SHISAL2B: variants seen among roughly 807,000 people sequenced by gnomAD.
The protein encoded by SHISAL2B is protein shisa-like-2B.
Under a neutral mutation model 16.5 loss-of-function variants are expected in SHISAL2B, and 12 were observed. The ratio of observed to expected loss-of-function variants is 0.73; its 90% confidence interval spans 0.47 to 1.18. SHISAL2B has a LOEUF of 1.18. Ranked by LOEUF, SHISAL2B falls within the 50% of genes most tolerant of loss-of-function variation. The probability of loss-of-function intolerance (pLI) is 0.00; values close to 1 mark genes in which losing one functional copy is unlikely to be tolerated. For synonymous variants in SHISAL2B, 72 were observed against 75.0 expected, an observed-to-expected ratio of 0.96 and a Z score of 0.21; for missense variants, 183 against 193.6, an observed-to-expected ratio of 0.95 and a Z score of 0.33.
intron 2 of SHISAL2B, among the ~76,000 whole-genome samples, chr5:64,705,609 T>G (rs568383541): frequency 6.6e-6 from 1 of 152,346 alleles, no homozygotes; most frequent in South Asian, 2.1e-4. Flanking sequence ...TATCTTTACC[T>G]GCTATGATAC....
Position 64,718,138 on chromosome 5 carries a change from C to T in SHISAL2B, c.*116C>T. The T allele has an allele frequency of 1.3e-6, 1 of 787,806 alleles. No individual in the cohort carries two copies. The highest frequency in any genetic ancestry group is 3.2e-5 in the East Asian group (1 of 31,004). 48.8% of individuals were successfully genotyped at this position (787,806 alleles called of 1,614,324 possible). A position where few individuals can be genotyped will look rare whatever the true frequency, so the allele number is the denominator to read the frequency against. ...AAAATTCGTCACTCACAAAGCAAGA[C>T]ACAGCTGCATTTTTGATCATTCAGT... On this transcript the variant is annotated 3_prime_UTR_variant, in exon 3 of 3. Transcript: ENST00000389074.
intron 2 of SHISAL2B, among the ~76,000 whole-genome samples, chr5:64,696,496 T>G (rs574409304): frequency 6.6e-6 from 1 of 152,282 alleles, no homozygotes; most frequent in Admixed American, 6.5e-5. Context: ...AGCCTATAAA[T>G]GGACCTGCAA....
intron 2 of SHISAL2B, among the ~76,000 whole-genome samples, chr5:64,702,042 C>T (rs1018933870): frequency 6.6e-6 from 1 of 151,902 alleles, no homozygotes; most frequent in Non-Finnish European, 1.5e-5. Flanking sequence ...TGTGGTTTCT[C>T]CTTTTGGTTT....
In SHISAL2B at chr5:64,693,286, C is replaced by T. The variant is rs542196454; in HGVS notation, c.192-2221C>T. Among the ~76,000 whole-genome samples, 48 of 152,236 alleles carry T rather than the reference C, an allele frequency of 3.2e-4. No individual in the cohort carries two copies. The South Asian group carries it at 7.7e-3, about 24-fold the overall frequency. On this transcript the variant is annotated intron_variant, in intron 1 of 2. Coordinates refer to ENST00000389074, the MANE Select transcript of SHISAL2B (RefSeq NM_001164442.2). Reference sequence around the variant, plus strand: ...CCTCCCAAAGTGCTAGGATTACAGGCGTGAGCCACCGCGCCCAGCCATAAA... The same window carrying T: ...CCTCCCAAAGTGCTAGGATTACAGGTGTGAGCCACCGCGCCCAGCCATAAA...
intron 2 of SHISAL2B, among the ~76,000 whole-genome samples, chr5:64,702,415 G>C (rs1741822232): frequency 6.6e-6 from 1 of 152,060 alleles, no homozygotes; most frequent in Non-Finnish European, 1.5e-5. Flanking sequence ...GGTCAGGCTG[G>C]TCTCGAACTC....
chr5:64,709,661 A>G (rs1181361707), intron 2 of SHISAL2B, among the ~76,000 whole-genome samples: 13 of 145,534 alleles, frequency 8.9e-5, no homozygotes, highest in Non-Finnish European at 1.6e-4. Context: ...CCAACAGTGT[A>G]AAAGTGTTCC....
rs544886348 is a variant in SHISAL2B, at chr5:64,695,689, C to A, written c.349+25C>A. The A allele has an allele frequency of 9.6e-6, 14 of 1,465,884 alleles. No homozygotes were observed. In the South Asian group the frequency reaches 1.7e-4, roughly 18 times the overall value. 90.8% of individuals were successfully genotyped at this position (1,465,884 alleles called of 1,614,324 possible). A position where few individuals can be genotyped will look rare whatever the true frequency, so the allele number is the denominator to read the frequency against. ...GGTAATCAGTATCTATTATTTGTTA[C>A]CAATTACCTGAACTCTATCCAAAAG... On this transcript the variant is annotated intron_variant, in intron 2 of 2. Transcript: ENST00000389074.
In SHISAL2B at chr5:64,690,555, A is replaced by G. The variant is rs1380861656; in HGVS notation, c.-69A>G. On this transcript the variant is annotated 5_prime_UTR_variant, in exon 1 of 3. Transcript: ENST00000389074. The stretch of plus-strand genomic sequence containing the variant: ...GGGCAGAGGGGTCCGCGGGCTCTGG[A>G]GGTGCTGGACGGGTGCGATCCGAGA... 2.3e-6 allele frequency: 3 copies of G among 1,286,404 alleles called. No homozygotes were observed. The highest frequency in any genetic ancestry group is 3.0e-6 in the Non-Finnish European group (3 of 985,506). The allele number at this position is 1,286,404 out of a possible 1,614,324, so 79.7% of individuals were successfully genotyped here.
At chr5:64,699,708 G>T (rs1741782538) in intron 2 of SHISAL2B, among the ~76,000 whole-genome samples, 1 of 152,170 alleles carries the variant, frequency 6.6e-6, no homozygotes, top group Non-Finnish European at 1.5e-5. Flanking sequence ...ATGGCCTAAA[G>T]GGAAATGTGT....
chr5:64,708,061 T>C (rs995411397), intron 2 of SHISAL2B, among the ~76,000 whole-genome samples: 7 of 152,228 alleles, frequency 4.6e-5, no homozygotes, highest in Non-Finnish European at 1.0e-4. Flanking sequence ...AGCAATTTTT[T>C]ACTTCTGTGG....
rs897296333 is a variant in SHISAL2B at position 64,714,375 on chromosome 5, C to G, written c.350-3514C>G. Among the ~76,000 whole-genome samples the G allele has an allele frequency of 7.7e-4, 114 of 147,264 alleles. 2 individuals are homozygous for G. The South Asian group carries it at 0.018, about 24-fold the overall frequency. On this transcript the variant is annotated intron_variant, in intron 2 of 2. Transcript: ENST00000389074. The stretch of plus-strand genomic sequence containing the variant: ...TCGGGGGTCAGGGGTCAGGGACCCA[C>G]TTGAGGAGGCAGTCTGCCTGTTCTC...
chr5:64,693,413 G>T (rs1390407623), intron 1 of SHISAL2B, among the ~76,000 whole-genome samples: 1 of 152,088 alleles, frequency 6.6e-6, no homozygotes, highest in African/African-American at 2.4e-5. Flanking sequence ...CTTTGTTTTT[G>T]TTTTTCTTTC....
intron 2 of SHISAL2B, among the ~76,000 whole-genome samples, chr5:64,700,282 T>C (rs1167882364): frequency 6.6e-6 from 1 of 152,176 alleles, no homozygotes; most frequent in Non-Finnish European, 1.5e-5. Context: ...ATGTATACAG[T>C]TGTCCCTCAG....
chr5:64,694,853 C>T (rs2112055944), intron 1 of SHISAL2B, among the ~76,000 whole-genome samples: 1 of 152,280 alleles, frequency 6.6e-6, no homozygotes, highest in Middle Eastern at 3.4e-3. Flanking sequence ...CCCAATCTTT[C>T]CTTCTAAAGT....
rs16893062 is a variant in SHISAL2B at position 64,695,702 on chromosome 5, C to T, written c.349+38C>T. ...TATTATTTGTTACCAATTACCTGAA[C>T]TCTATCCAAAAGAATAACTTGTACC... is the stretch of plus-strand genomic sequence containing the variant. On this transcript the variant is annotated intron_variant, in intron 2 of 2. Coordinates refer to ENST00000389074, the MANE Select transcript of SHISAL2B (RefSeq NM_001164442.2). 10,215 of 1,414,458 alleles carry T rather than the reference C, an allele frequency of 7.2e-3. 635 individuals carry two copies. In the African/African-American group the frequency reaches 0.13, roughly 18 times the overall value. 87.6% of individuals were successfully genotyped at this position (1,414,458 alleles called of 1,614,324 possible).
chr5:64,690,648 T>C lies in SHISAL2B; in HGVS notation c.25T>C (p.Ser9Pro). MSEASRLC[S>P]GYYSLNQSFV... ...GATGAGCGAGGCCAGCCGACTGTGC[T>C]CCGGCTACTACAGCCTCAACCAGAG... Residue 9 changes from serine to proline, a missense_variant, in exon 1 of 3, where the codon TCC becomes CCC. Physicochemically the swap from Ser to Pro is moderately conservative, Grantham distance 74. Coordinates refer to ENST00000389074, the MANE Select transcript of SHISAL2B (RefSeq NM_001164442.2). The C allele has an allele frequency of 6.6e-7, 1 of 1,517,484 alleles. No homozygotes were observed. Among genetic ancestry groups the C allele is most frequent in the Non-Finnish European group, 8.8e-7 (1 of 1,135,218 alleles). The allele number at this position is 1,517,484 out of a possible 1,614,324, so 94.0% of individuals were successfully genotyped here.
At chr5:64,714,040 C>T (rs1384776663) in intron 2 of SHISAL2B, among the ~76,000 whole-genome samples, 17 of 145,378 alleles carry the variant, frequency 1.2e-4, no homozygotes, top group East Asian at 2.0e-4. Context: ...TCTCTCAGCT[C>T]GTCAAAATCA....
At chr5:64,703,503 C>T (rs751037974) in intron 2 of SHISAL2B, among the ~76,000 whole-genome samples, 3 of 152,168 alleles carry the variant, frequency 2.0e-5, no homozygotes, top group African/African-American at 7.2e-5. Context: ...CAGTTTTTGA[C>T]GTTATAATAG....
intron 1 of SHISAL2B, among the ~76,000 whole-genome samples, chr5:64,692,064 C>A (rs1741659260): frequency 6.6e-6 from 1 of 152,114 alleles, no homozygotes; most frequent in South Asian, 2.1e-4. Flanking sequence ...TTGTATTTTG[C>A]TGGACAGGGG....
Sources: allele counts gnomAD v4.1 joint callset (sites outside exome capture counted in the v4.1 genomes callset), GRCh38; gene constraint gnomAD v4.1.1; transcripts MANE v1.5; gene names NCBI Gene and HGNC (gene_info 2026-07-23, HGNC 2026-07-21).